The following AAMDC variants were observed in gnomAD, a reference collection of about 807,000 sequenced individuals.
AAMDC encodes adipogenesis associated Mth938 domain containing, also known as mth938 domain-containing protein.
In AAMDC, 16 loss-of-function variants were observed where a neutral mutation model predicts 15.5. The ratio of observed to expected loss-of-function variants is 1.03; its 90% CI spans 0.70 to 1.57. The LOEUF is 1.57. AAMDC is among the 40% of genes most tolerant of loss of function. The probability of loss-of-function intolerance (pLI) is 0.00; values close to 1 mark genes in which losing one functional copy is unlikely to be tolerated. For missense variants in AAMDC, 141 were observed against 144.9 expected (o/e 0.97, Z 0.14); for synonymous variants, 51 against 51.6 (o/e 0.99, Z 0.05).
intron 1 of AAMDC, among the ~76,000 whole-genome samples, chr11:77,827,260 A>C (rs1478503135): frequency 6.6e-6 from 1 of 152,240 alleles, no homozygotes; most frequent in Non-Finnish European, 1.5e-5. Flanking sequence ...CATACCAAAA[A>C]CTAGAAGAGA....
At chr11:77,889,121 C>T (rs1952146922) in intron 5 of AAMDC, among the ~76,000 whole-genome samples, 1 of 152,288 alleles carries the variant, frequency 6.6e-6, no homozygotes, top group South Asian at 2.1e-4. Flanking sequence ...AAGACACATG[C>T]ACACATATGT....
chr11:77,883,192 A>C (rs1951860791), intron 5 of AAMDC, among the ~76,000 whole-genome samples: 1 of 152,154 alleles, frequency 6.6e-6, no homozygotes, highest in Admixed American at 6.5e-5. Context: ...GGTGGCATTA[A>C]ACACCTCCAG....
At chr11:77,821,994 C>T (rs565598671) in intron 1 of AAMDC, among the ~76,000 whole-genome samples, 3 of 152,120 alleles carry the variant, frequency 2.0e-5, no homozygotes, top group Admixed American at 2.0e-4. Flanking sequence ...TAGCACAGTG[C>T]CGTAGCACAT....
intron 1 of AAMDC, among the ~76,000 whole-genome samples, chr11:77,830,791 A>G (rs1375754437): frequency 6.6e-6 from 1 of 152,090 alleles, no homozygotes; most frequent in Non-Finnish European, 1.5e-5. Context: ...CAAGCAAATG[A>G]AAAGATACTC....
At chr11:77,901,278 A>C, downstream of AAMDC, 1 of 880,404 alleles carries the variant, frequency 1.1e-6, no homozygotes, top group South Asian at 1.4e-5. Context: ...AATATCTGAA[A>C]AAAATGAATA....
chr11:77,892,736 C>T (rs886370383), intron 5 of AAMDC, among the ~76,000 whole-genome samples: 1 of 152,116 alleles, frequency 6.6e-6, no homozygotes, highest in Non-Finnish European at 1.5e-5. Context: ...CTGCCCACCA[C>T]CACGCCCTAC....
chr11:77,823,145 G>A (rs1286441703), intron 1 of AAMDC, among the ~76,000 whole-genome samples: 1 of 150,150 alleles, frequency 6.7e-6, no homozygotes. Flanking sequence ...GACCCGGGAG[G>A]CGGAGCTTGC....
At chr11:77,839,670 G>A (rs1358209565) in intron 1 of AAMDC, among the ~76,000 whole-genome samples, 1 of 152,118 alleles carries the variant, frequency 6.6e-6, no homozygotes, top group Non-Finnish European at 1.5e-5. Context: ...TCCTTTGCAG[G>A]GACACAGATG....
intron 5 of AAMDC, chr11:77,878,917 T>C (rs375355859): frequency 5.1e-6 from 8 of 1,580,930 alleles, no homozygotes; most frequent in Non-Finnish European, 7.0e-6. Context: ...AGAAGGGCCC[T>C]CTAGGCCACG....
chr11:77,825,283 C>A (rs78438753), intron 1 of AAMDC, among the ~76,000 whole-genome samples: 2 of 150,052 alleles, frequency 1.3e-5, no homozygotes, highest in African/African-American at 2.5e-5. Flanking sequence ...GGCCTGGCTG[C>A]TTTTTTTTTA....
At chr11:77,883,834 G>C in intron 5 of AAMDC, 2 of 1,612,838 alleles carry the variant, frequency 1.2e-6, no homozygotes, top group Non-Finnish European at 1.7e-6. Context: ...CTCCTTACCT[G>C]TCCAAGCGGT....
At chr11:77,883,787 C>T in intron 5 of AAMDC, 1 of 1,602,072 alleles carries the variant, frequency 6.2e-7, no homozygotes, top group Non-Finnish European at 8.5e-7. Context: ...TAGGTGTGAT[C>T]TCCAGCAGCA....
chr11:77,884,852 G>A lies in AAMDC; in HGVS notation c.328+7803G>A, dbSNP rs115065363. 582 of 362,750 alleles carry A rather than the reference G, an allele frequency of 1.6e-3. 5 individuals carry two copies. Among genetic ancestry groups the A allele is most frequent in the African/African-American group, 0.011 (535 of 48,304 alleles). The allele number at this position is 362,750 out of a possible 1,614,324, so 22.5% of individuals were successfully genotyped here. A position where few individuals can be genotyped will look rare whatever the true frequency, so the allele number is the denominator to read the frequency against. ...TCACTGAAGCCTCAAACTCCTGGGC[G>A]CAAGTGATCTTCCTGCCTCAGCCTC... On this transcript the variant is annotated intron_variant, in intron 5 of 5. Coordinates refer to the AAMDC transcript ENST00000304716.
Position 77,895,527 on chromosome 11 carries a change from G to GAA in AAMDC, c.329-5015_329-5014dup, listed in dbSNP as rs71046921. On this transcript the variant is annotated intron_variant, in intron 5 of 5. Coordinates refer to the AAMDC transcript ENST00000304716. Reference sequence around the variant, plus strand: ...CAACATTCATTCTAATTCTTTTCCTGAAAAAAAAAAAAAAAAAAAAAAAAA... The same window carrying GAA: ...CAACATTCATTCTAATTCTTTTCCTGAAAAAAAAAAAAAAAAAAAAAAAAAAA... 1.9e-3 allele frequency among the ~76,000 whole-genome samples: 74 copies of GAA among 39,266 alleles called. 1 individual carries two copies. The highest frequency in any genetic ancestry group is 4.9e-3 in the African/African-American group (52 of 10,690). 25.8% of individuals were successfully genotyped at this position (39,266 alleles called of 152,430 possible).
chr11:77,849,417 T>A (rs1950280709), intron 2 of AAMDC, among the ~76,000 whole-genome samples: 1 of 152,134 alleles, frequency 6.6e-6, no homozygotes, highest in Non-Finnish European at 1.5e-5. Context: ...TAAAGATGGC[T>A]TTCACCATGT....
chr11:77,885,443 T>C (rs993937860), intron 5 of AAMDC, among the ~76,000 whole-genome samples: 1 of 151,778 alleles, frequency 6.6e-6, no homozygotes, highest in Non-Finnish European at 1.5e-5. Flanking sequence ...AAACCTACTA[T>C]AGGAAAAAAA....
rs1281054659 is a variant in AAMDC, at chr11:77,872,190, G to GT, written c.245dup (p.Glu83GlyfsTer9). ...ACCTTCCCAGGTGCCTTCATCAACT[G>GT]TGGAGTACCTCAAGAAACATGGCAT... On this transcript the variant is annotated frameshift_variant, in exon 4 of 4. Coordinates refer to ENST00000393427, the MANE Select transcript of AAMDC (RefSeq NM_024684.4). LOFTEE classifies it high-confidence loss of function. The GT allele has an allele frequency of 5.0e-6, 8 of 1,613,462 alleles. No homozygotes were observed. The highest frequency in any genetic ancestry group is 6.8e-6 in the Non-Finnish European group (8 of 1,179,736).
chr11:77,834,853 A>G (rs1478941990), intron 1 of AAMDC, among the ~76,000 whole-genome samples: 1 of 152,192 alleles, frequency 6.6e-6, no homozygotes, highest in Non-Finnish European at 1.5e-5. Flanking sequence ...TTTAGTTTCA[A>G]ATCTCACCTT....
At chr11:77,851,745 A>G (rs1336502110) in intron 2 of AAMDC, among the ~76,000 whole-genome samples, 1 of 152,128 alleles carries the variant, frequency 6.6e-6, no homozygotes, top group Non-Finnish European at 1.5e-5. Flanking sequence ...TGCCATGGGT[A>G]AAAGCTCCCT....
Sources: gnomAD v4.1 joint callset for allele counts (sites outside exome capture counted in the v4.1 genomes callset) on GRCh38, gnomAD v4.1.1 for gene constraint, MANE v1.5 for transcripts, NCBI Gene and HGNC (gene_info 2026-07-23, HGNC 2026-07-21) for gene names.